DYNC1H1: variants seen among roughly 807,000 people sequenced by gnomAD.
DYNC1H1 encodes the protein dynein cytoplasmic 1 heavy chain 1, also known as cytoplasmic dynein 1 heavy chain 1.
DYNC1H1 carries 51 observed loss-of-function variants against 527.1 expected under a neutral mutation model. The observed-to-expected ratio is 0.10, with a 90% CI of 0.08 to 0.12. The LOEUF is 0.12. Ranked by LOEUF, DYNC1H1 falls within the 10% of genes least tolerant of loss-of-function variation. The pLI is 1.00. For missense variants in DYNC1H1, 2,771 were observed against 5,971.8 expected (o/e 0.46, Z 17.66); for synonymous variants, 2,189 against 2,278.8 (o/e 0.96, Z 1.12).
At chr14:102,026,772 C>G in intron 44 of DYNC1H1, 65 bp downstream of exon 44, 1 of 1,586,460 alleles carries the variant, frequency 6.3e-7, no homozygotes, top group Non-Finnish European at 8.6e-7. Flanking sequence ...GTGTGTGTGC[C>G]GGGTCACACC....
intron 1 of DYNC1H1, among the ~76,000 whole-genome samples, chr14:101,970,158 G>A (rs548245496): frequency 2.8e-4 from 42 of 152,052 alleles, no homozygotes; most frequent in Non-Finnish European, 5.6e-4. Context: ...TCCAGTTTAC[G>A]TTAAATATAA....
At chr14:102,006,224 G>T in intron 27 of DYNC1H1, 54 bp downstream of exon 27, 1 of 1,602,496 alleles carries the variant, frequency 6.2e-7, no homozygotes, top group East Asian at 2.2e-5. Flanking sequence ...AATGTTTAAA[G>T]ATAAAGCTAA....
chr14:102,047,641 GTATATATATATA>G (rs71116874), intron 72 of DYNC1H1, 164 bp from the exon 73 acceptor site: 2 of 316,758 alleles, frequency 6.3e-6, no homozygotes, highest in African/African-American at 3.9e-5. Flanking sequence ...GTGTGTGTGT[GTATATATATATA>G]TATATATATA....
chr14:101,990,829 T>G (rs2047988921), intron 10 of DYNC1H1, among the ~76,000 whole-genome samples: 1 of 151,774 alleles, frequency 6.6e-6, no homozygotes, highest in African/African-American at 2.4e-5. Flanking sequence ...TCCAACATGG[T>G]GAAACCCCAT....
intron 15 of DYNC1H1, 50 bp downstream of exon 15, chr14:101,995,350 G>C (rs572610436): frequency 4.3e-6 from 7 of 1,610,470 alleles, no homozygotes; most frequent in Non-Finnish European, 5.9e-6. Context: ...GGTGGCTCAC[G>C]CCTGTAATCC....
At chr14:101,967,382 A>G in intron 1 of DYNC1H1, among the ~76,000 whole-genome samples, 1 of 152,378 alleles carries the variant, frequency 6.6e-6, no homozygotes, top group African/African-American at 2.4e-5. Context: ...AATTTAATGA[A>G]CAGTAGAAAT....
At position 101,986,842 on chromosome 14, in the gene DYNC1H1, C is replaced by A. The variant is rs148290637; in HGVS notation, c.2538+79C>A. 1.8e-5 allele frequency: 27 copies of A among 1,528,484 alleles called. No homozygotes were observed. In the African/African-American group the frequency reaches 3.4e-4, roughly 19 times the overall value. The allele number at this position is 1,528,484 out of a possible 1,614,324, so 94.7% of individuals were successfully genotyped here. ...AGCGAGCTCAGTTAAAACACTAGTT[C>A]TCCCGAAGAAGGCATGCATGGTTGA... On this transcript the variant is annotated intron_variant, in intron 8 of 77. Transcript: ENST00000360184. The surrounding 1 kb of genome is among the most constrained non-coding windows in gnomAD (Gnocchi z 8.7).
chr14:102,040,247 A>G lies in DYNC1H1; in HGVS notation c.11702A>G (p.Tyr3901Cys), dbSNP rs2048630862. ...KLKGTVGEPT[Y>C]DAEFQHFLRG... ...TGCACCCTTCGCAGGGAGCCCACCT[A>G]CGATGCAGAATTCCAGCACTTCTTG... The change falls in exon 63 of 78, where the codon TAC becomes TGC. Residue 3901 changes from tyrosine to cysteine, a missense_variant. Physicochemically the swap from Tyr to Cys is radical, Grantham distance 194 (BLOSUM62 -2). Transcript: ENST00000360184. 2 of 1,614,102 alleles carry G rather than the reference A, an allele frequency of 1.2e-6. No homozygotes were observed. The highest frequency in any genetic ancestry group is 1.7e-6 in the Non-Finnish European group (2 of 1,180,032).
In DYNC1H1 at chr14:102,036,462, C is replaced by T. The variant is rs1322988171; in HGVS notation, c.10755-27C>T. ...GTGCTTTCCCCATTCGGTGTTTCAA[C>T]CTTCTCTTCTGTGGCCTCATCCTCA... On this transcript the variant is annotated intron_variant, in intron 56 of 77. Coordinates refer to ENST00000360184, the MANE Select transcript of DYNC1H1 (RefSeq NM_001376.5). The surrounding 1 kb of genome is among the most constrained non-coding windows in gnomAD (Gnocchi z 5.6). 2 of 1,612,712 alleles carry T rather than the reference C, an allele frequency of 1.2e-6. No homozygotes were observed. The highest frequency in any genetic ancestry group is 1.7e-6 in the Non-Finnish European group (2 of 1,179,624).
At chr14:102,009,637 G>T in intron 29 of DYNC1H1, 1 of 671,140 alleles carries the variant, frequency 1.5e-6, no homozygotes, top group Non-Finnish European at 2.5e-6. Context: ...ACGTGCACAT[G>T]AGGTACATGG....
chr14:102,016,628 A>G lies in DYNC1H1; in HGVS notation c.7615-138A>G, dbSNP rs1316754220. ...AGAAGGACTTTATCCTTTTAGTTCC[A>G]TGTGTTAGCAAAGAGTGCAGATTAA... On this transcript the variant is annotated intron_variant, in intron 37 of 77. Coordinates refer to ENST00000360184, the MANE Select transcript of DYNC1H1 (RefSeq NM_001376.5). This position sits in a 1 kb window ranked among gnomAD's most constrained non-coding sequence, Gnocchi z 7.3. 27 of 1,555,454 alleles carry G rather than the reference A, an allele frequency of 1.7e-5. 1 individual carries two copies. In the Admixed American group the frequency reaches 2.5e-4, roughly 14 times the overall value.
chr14:101,998,879 C>CTTTTTTTTTTGTTTTTTTTTTTTTT (rs1470140199), intron 16 of DYNC1H1, among the ~76,000 whole-genome samples: 10 of 115,214 alleles, frequency 8.7e-5, no homozygotes, highest in African/African-American at 3.8e-4. Flanking sequence ...AAAACTTTTT[C>CTTTTTTTTTTGTTTTTTTTTTTTTT]TTTTTTTTTT....
At chr14:101,994,489 T>C (rs929386286) in intron 12 of DYNC1H1, among the ~76,000 whole-genome samples, 165 bp downstream of exon 12, 2 of 152,244 alleles carry the variant, frequency 1.3e-5, no homozygotes, top group Non-Finnish European at 2.9e-5. Context: ...ATACATCTTT[T>C]TGAGTTTTAA....
Position 102,001,250 on chromosome 14 carries a change from C to G in DYNC1H1, c.4291C>G (p.Leu1431Val). ...TAATTGGGTTGTTTCTGAGCTAACC[C>G]TTGGCCAAATCTGGGATGTTGACTT... ...HVNWVVSELTLGQIWDVDLQK... is the reference protein window; with the variant it reads ...HVNWVVSELTVGQIWDVDLQK... The change falls in exon 20 of 78, where the codon CTT (leucine) becomes GTT (valine). Residue 1431 changes from leucine (L) to valine (V), a missense_variant. This residue lies in a region of DYNC1H1 where 223 missense variants were observed against 462.5 expected (regional missense o/e 0.48). Transcript: ENST00000360184. This position sits in a 1 kb window ranked among gnomAD's most constrained non-coding sequence, Gnocchi z 5.0. 1 of 1,614,192 alleles carries G rather than the reference C, an allele frequency of 6.2e-7. No individual in the cohort carries two copies. The highest frequency in any genetic ancestry group is 8.5e-7 in the Non-Finnish European group (1 of 1,180,040).
At position 102,018,745 on chromosome 14, in the gene DYNC1H1, G is replaced by T; in HGVS notation, c.8343+129G>T. ...GGAGGCCAAGGTGGGTGGATCCTTT[G>T]AGCCCAGGAGTTTGAGACCAGTCTG... is the stretch of plus-strand genomic sequence containing the variant. On this transcript the variant is annotated intron_variant, in intron 41 of 77. Transcript: ENST00000360184. This position sits in a 1 kb window ranked among gnomAD's most constrained non-coding sequence, Gnocchi z 5.2. 7.9e-7 allele frequency: 1 copy of T among 1,263,042 alleles called. No homozygotes were observed. The highest frequency in any genetic ancestry group is 1.1e-6 in the Non-Finnish European group (1 of 900,472). The allele number at this position is 1,263,042 out of a possible 1,614,324, so 78.2% of individuals were successfully genotyped here. A position where few individuals can be genotyped will look rare whatever the true frequency, so the allele number is the denominator to read the frequency against.
At position 102,041,875 on chromosome 14, in the gene DYNC1H1, C is replaced by A; in HGVS notation, c.12103-138C>A. ...CCAGGAACTCGCTGCAGATTCTCAA[C>A]TCCTGGCTGCATGGTGCCCACACCT... On this transcript the variant is annotated intron_variant, in intron 65 of 77. Transcript: ENST00000360184. The surrounding 1 kb of genome is among the most constrained non-coding windows in gnomAD (Gnocchi z 4.5). 6.6e-7 allele frequency: 1 copy of A among 1,507,420 alleles called. No individual in the cohort carries two copies. Among genetic ancestry groups the A allele is most frequent in the Non-Finnish European group, 9.1e-7 (1 of 1,101,174 alleles). 93.4% of individuals were successfully genotyped at this position (1,507,420 alleles called of 1,614,324 possible).
At chr14:101,976,762 G>T (rs575936867) in intron 2 of DYNC1H1, among the ~76,000 whole-genome samples, 1 of 152,094 alleles carries the variant, frequency 6.6e-6, no homozygotes, top group Non-Finnish European at 1.5e-5. Context: ...GTCAGCCCTC[G>T]ATATCTGTGG....
In DYNC1H1 at chr14:101,991,679, C is replaced by G; in HGVS notation, c.3015+6C>G. 6.2e-7 allele frequency: 1 copy of G among 1,614,114 alleles called. No homozygotes were observed. Among genetic ancestry groups the G allele is most frequent in the Non-Finnish European group, 8.5e-7 (1 of 1,180,010 alleles). On this transcript the variant is annotated splice_donor_region_variant and intron_variant, in intron 11 of 77. Coordinates refer to ENST00000360184, the MANE Select transcript of DYNC1H1 (RefSeq NM_001376.5). Reference sequence around the variant, plus strand: ...TCCAGAGTCAGAGGTACCAGGTAAGCCTTTGGTGACTCGAGGCACACGCCT... The same window carrying G: ...TCCAGAGTCAGAGGTACCAGGTAAGGCTTTGGTGACTCGAGGCACACGCCT...
In DYNC1H1 at chr14:102,050,536, G is replaced by A; in HGVS notation, c.13914G>A (p.Arg4638=). The part of the protein sequence containing the change: ...TKEDPRSFYE[R]GVAVLCTE ...AGGATCCTCGCAGCTTCTACGAGCG[G>A]GGTGTCGCAGTCTTGTGCACAGAGT... The change falls in exon 78 of 78, where the codon CGG becomes CGA. Residue 4638 remains arginine, a synonymous_variant. Transcript: ENST00000360184. The A allele has an allele frequency of 6.2e-7, 1 of 1,614,210 alleles. No homozygotes were observed. Among genetic ancestry groups the A allele is most frequent in the East Asian group, 2.2e-5 (1 of 44,890 alleles).
Sources: allele counts gnomAD v4.1 joint callset (sites outside exome capture counted in the v4.1 genomes callset), GRCh38; gene constraint gnomAD v4.1.1; regional missense constraint gnomAD v4.1.1; non-coding constraint Gnocchi (gnomAD v3.1); transcripts MANE v1.5; gene names NCBI Gene and HGNC (gene_info 2026-07-23, HGNC 2026-07-21).